The following FMN1 variants were observed in gnomAD, a reference collection of about 807,000 sequenced individuals.
The protein encoded by FMN1 is formin-1.
In FMN1, 110 loss-of-function variants were observed where a neutral mutation model predicts 132.4. The observed-to-expected ratio is 0.83, with a 90% CI of 0.71 to 0.97. The LOEUF (loss-of-function observed/expected upper bound fraction) is 0.97, where lower values mean the gene tolerates loss of function less well. Among genes scored for constraint, FMN1 ranks in the 50% least tolerant of loss-of-function variants. The pLI, the probability that FMN1 is intolerant of heterozygous loss-of-function variation, is 0.00. For synonymous variants in FMN1, 722 were observed against 651.7 expected (o/e 1.11, Z -1.64); for missense variants, 1,792 against 1,705.3 (o/e 1.05, Z -0.90).
At chr15:32,837,743 G>T (rs1174938384) in intron 17 of FMN1, among the ~76,000 whole-genome samples, 1 of 152,214 alleles carries the variant, frequency 6.6e-6, no homozygotes, top group African/African-American at 2.4e-5. Flanking sequence ...CTGGAATAGT[G>T]TCTGATTCTT....
intron 3 of FMN1, among the ~76,000 whole-genome samples, chr15:33,166,538 A>G (rs540422001): frequency 6.6e-6 from 1 of 152,338 alleles, no homozygotes; most frequent in South Asian, 2.1e-4. Flanking sequence ...ATCTTGAAGT[A>G]GATACCTTCT....
At chr15:33,163,364 G>A (rs1472252408) in intron 3 of FMN1, among the ~76,000 whole-genome samples, 1 of 150,420 alleles carries the variant, frequency 6.6e-6, no homozygotes, top group East Asian at 2.0e-4. Flanking sequence ...GCACAATCTC[G>A]GCTCACCGCA....
intron 4 of FMN1, 139 bp downstream of exon 4, chr15:33,152,909 T>G (rs1360785530): frequency 5.9e-6 from 5 of 850,316 alleles, no homozygotes; most frequent in Non-Finnish European, 8.8e-6. Context: ...CCACTCCCCG[T>G]TTTCTTGCTA....
intron 3 of FMN1, among the ~76,000 whole-genome samples, chr15:33,168,360 G>T (rs552246245): frequency 1.9e-4 from 29 of 152,310 alleles, no homozygotes; most frequent in Admixed American, 9.8e-4. Flanking sequence ...TTAACACTAT[G>T]ATCTATGTGC....
chr15:33,058,214 A>G (rs1269059493), intron 6 of FMN1, among the ~76,000 whole-genome samples: 1 of 152,198 alleles, frequency 6.6e-6, no homozygotes, highest in Admixed American at 6.5e-5. Context: ...GGAGATTTGC[A>G]GAACAGAAGA....
chr15:32,841,129 T>TCTTG (rs899289927), intron 17 of FMN1, among the ~76,000 whole-genome samples: 24 of 152,370 alleles, frequency 1.6e-4, no homozygotes, highest in African/African-American at 5.8e-4. Flanking sequence ...AGCTCATTGA[T>TCTTG]CTTGGGTTGG....
intron 6 of FMN1, among the ~76,000 whole-genome samples, chr15:33,061,729 A>G (rs2037493108): frequency 6.6e-6 from 1 of 152,146 alleles, no homozygotes; most frequent in Admixed American, 6.5e-5. Flanking sequence ...CAAACATATC[A>G]AAGACAATAG....
rs537730980 is a variant in FMN1 at position 32,772,789 on chromosome 15, A to T, written c.*1521T>A. On this transcript the variant is annotated 3_prime_UTR_variant, in exon 21 of 21. Coordinates refer to ENST00000616417, the MANE Select transcript of FMN1 (RefSeq NM_001277313.2). Reference sequence around the variant, plus strand: ...ATTAGGATATGGTGCTGCTTTCATTACTGGATCTATTATAGAAGCATTCCT... The same window carrying T: ...ATTAGGATATGGTGCTGCTTTCATTTCTGGATCTATTATAGAAGCATTCCT... 4 of 152,364 alleles carry T rather than the reference A, an allele frequency of 2.6e-5. No homozygotes were observed. The highest frequency in any genetic ancestry group is 9.6e-5 in the African/African-American group (4 of 41,570). The allele number at this position is 152,364 out of a possible 1,614,324, so 9.4% of individuals were successfully genotyped here.
intron 9 of FMN1, among the ~76,000 whole-genome samples, chr15:32,960,996 A>C (rs1248622557): frequency 5.4e-5 from 1 of 18,420 alleles, no homozygotes; most frequent in Non-Finnish European, 3.3e-4. Flanking sequence ...ACTCCGTCTC[A>C]AAAAAAAAAA....
intron 5 of FMN1, chr15:33,067,254 G>A: frequency 1.2e-6 from 2 of 1,613,466 alleles, no homozygotes; most frequent in Non-Finnish European, 1.7e-6. Context: ...CTCATCTCAG[G>A]TGGAATCCTT....
intron 5 of FMN1, chr15:33,067,360 C>T (rs2037786982): frequency 6.2e-7 from 1 of 1,613,880 alleles, no homozygotes; most frequent in African/African-American, 1.3e-5. Context: ...CCTGAGATGG[C>T]TCAGATAAAA....
chr15:33,048,573 A>C (rs1461447637), intron 6 of FMN1, among the ~76,000 whole-genome samples: 1 of 150,370 alleles, frequency 6.7e-6, no homozygotes, highest in Non-Finnish European at 1.5e-5. Flanking sequence ...GCGTAAAGAA[A>C]TACATTAGTC....
intron 17 of FMN1, among the ~76,000 whole-genome samples, chr15:32,845,910 T>C (rs1394549042): frequency 2.0e-5 from 3 of 152,240 alleles, no homozygotes; most frequent in Admixed American, 6.5e-5. Context: ...TAATTTCATC[T>C]TCATAATGAC....
Position 32,846,473 on chromosome 15 carries a change from C to T in FMN1, c.3928+10542G>A, listed in dbSNP as rs143001159. On this transcript the variant is annotated intron_variant, in intron 17 of 20. Coordinates refer to ENST00000616417, the MANE Select transcript of FMN1 (RefSeq NM_001277313.2). ...ACAAACATGAAAAAAAGTTCAACAT[C>T]ACTGATCATTAGAGAAATGCAAATC... 4.7e-3 allele frequency among the ~76,000 whole-genome samples: 712 copies of T among 152,316 alleles called. 17 individuals carry two copies. In the East Asian group the frequency reaches 0.079, roughly 17 times the overall value.
At chr15:33,054,215 G>A (rs1451922546) in intron 6 of FMN1, among the ~76,000 whole-genome samples, 1 of 152,120 alleles carries the variant, frequency 6.6e-6, no homozygotes, top group Non-Finnish European at 1.5e-5. Flanking sequence ...AATTCAAAGG[G>A]TTTTAGGAGA....
intron 19 of FMN1, among the ~76,000 whole-genome samples, chr15:32,786,091 T>G (rs2056868573): frequency 1.3e-5 from 2 of 152,102 alleles, no homozygotes; most frequent in African/African-American, 4.8e-5. Flanking sequence ...CCCTAAAAAG[T>G]AGGATGATAA....
At chr15:32,965,496 T>C (rs1261374164) in intron 8 of FMN1, among the ~76,000 whole-genome samples, 2 of 152,222 alleles carry the variant, frequency 1.3e-5, no homozygotes, top group African/African-American at 4.8e-5. Context: ...ATCCATAACA[T>C]CTAAAAGTAT....
intron 17 of FMN1, among the ~76,000 whole-genome samples, chr15:32,821,771 A>T (rs2058224738): frequency 6.6e-6 from 1 of 152,050 alleles, no homozygotes; most frequent in African/African-American, 2.4e-5. Context: ...CTTAACACCC[A>T]TTATACCTGT....
chr15:32,890,683 G>A (rs1234263702), intron 15 of FMN1, among the ~76,000 whole-genome samples: 6 of 152,180 alleles, frequency 3.9e-5, no homozygotes, highest in Non-Finnish European at 8.8e-5. Flanking sequence ...TGTATAGATT[G>A]TAAAGATTTT....
Sources: allele counts gnomAD v4.1 joint callset (sites outside exome capture counted in the v4.1 genomes callset), GRCh38; gene constraint gnomAD v4.1.1; transcripts MANE v1.5; gene names NCBI Gene and HGNC (gene_info 2026-07-23, HGNC 2026-07-21).